TGFB2: variants seen among roughly 807,000 people sequenced by gnomAD.
The protein encoded by TGFB2 is transforming growth factor beta 2, also known as transforming growth factor beta-2 proprotein.
In TGFB2, 13 loss-of-function variants were observed where a neutral mutation model predicts 42.7. That is an observed-to-expected ratio of 0.30 (90% CI 0.20 to 0.48). The LOEUF (loss-of-function observed/expected upper bound fraction) is 0.48, where lower values mean the gene tolerates loss of function less well. Among genes scored for constraint, TGFB2 ranks in the 20% least tolerant of loss-of-function variants. The pLI is 0.99. For missense variants in TGFB2, 390 were observed against 517.5 expected (o/e 0.75, Z 2.39); for synonymous variants, 193 against 193.6 (o/e 1.00, Z 0.03).
intron 2 of TGFB2, among the ~76,000 whole-genome samples, chr1:218,423,522 G>GT (rs1478911063): frequency 6.6e-6 from 1 of 152,106 alleles, no homozygotes; most frequent in Non-Finnish European, 1.5e-5. Context: ...GTTTTGTTTT[G>GT]TTTTTTAGGA....
chr1:218,416,269 C>G (rs1468982831), intron 2 of TGFB2, among the ~76,000 whole-genome samples: 1 of 151,834 alleles, frequency 6.6e-6, no homozygotes, highest in Non-Finnish European at 1.5e-5. Flanking sequence ...TATATGCTTC[C>G]CAATTGATTT....
chr1:218,383,288 G>A (rs1658023710), intron 1 of TGFB2, among the ~76,000 whole-genome samples: 1 of 152,110 alleles, frequency 6.6e-6, no homozygotes, highest in South Asian at 2.1e-4. Context: ...TGAAACCTCT[G>A]TTTTGTCAAT....
chr1:218,346,351 C>T lies in TGFB2; in HGVS notation c.-351C>T, dbSNP rs1199209836. 5.0e-6 allele frequency: 1 copy of T among 199,550 alleles called. No homozygotes were observed. Among genetic ancestry groups the T allele is most frequent in the Non-Finnish European group, 1.0e-5 (1 of 99,966 alleles). The allele number at this position is 199,550 out of a possible 1,614,324, so 12.4% of individuals were successfully genotyped here. ...GCACCCGAGACTGACACACTGAACTCCACTTCCTCCTCTTAAATTTATTTC... is the reference window on the plus strand; with the variant it reads ...GCACCCGAGACTGACACACTGAACTTCACTTCCTCCTCTTAAATTTATTTC... On this transcript the variant is annotated 5_prime_UTR_variant, in exon 1 of 7. Transcript: ENST00000366930. The surrounding 1 kb of genome is among the most constrained non-coding windows in gnomAD (Gnocchi z 4.9).
chr1:218,412,403 A>G (rs1384047408), intron 2 of TGFB2, among the ~76,000 whole-genome samples: 2 of 152,138 alleles, frequency 1.3e-5, no homozygotes, highest in African/African-American at 2.4e-5. Context: ...GAACCCAACA[A>G]TATTTGTTGC....
intron 1 of TGFB2, among the ~76,000 whole-genome samples, chr1:218,376,170 G>A (rs1443470716): frequency 6.6e-6 from 1 of 152,162 alleles, no homozygotes; most frequent in African/African-American, 2.4e-5. Context: ...CTCCCGTTAA[G>A]TGTTCTTACA....
At chr1:218,365,798 G>A (rs1280631326) in intron 1 of TGFB2, among the ~76,000 whole-genome samples, 2 of 152,210 alleles carry the variant, frequency 1.3e-5, no homozygotes, top group Non-Finnish European at 2.9e-5. Context: ...CACTCGTTAA[G>A]TGAAGTTGGC....
intron 1 of TGFB2, among the ~76,000 whole-genome samples, chr1:218,367,853 G>A (rs1657436671): frequency 6.6e-6 from 1 of 152,066 alleles, no homozygotes; most frequent in South Asian, 2.1e-4. Context: ...CACCAGGCTA[G>A]AAGGCAGTGG....
chr1:218,411,908 T>C (rs1157407993), intron 2 of TGFB2, among the ~76,000 whole-genome samples: 2 of 149,644 alleles, frequency 1.3e-5, no homozygotes, highest in Non-Finnish European at 3.0e-5. Context: ...TGACACAGCA[T>C]CACTTTTGCC....
intron 1 of TGFB2, among the ~76,000 whole-genome samples, chr1:218,368,647 T>C (rs137883836): frequency 6.6e-6 from 1 of 152,304 alleles, no homozygotes; most frequent in East Asian, 1.9e-4. Flanking sequence ...ATGTGAGGTG[T>C]AATTTTATAT....
intron 4 of TGFB2, among the ~76,000 whole-genome samples, chr1:218,435,424 A>G (rs1376331496): frequency 6.6e-6 from 1 of 152,208 alleles, no homozygotes; most frequent in African/African-American, 2.4e-5. Context: ...AAATAAATGA[A>G]AAAGCCCTTT....
intron 1 of TGFB2, among the ~76,000 whole-genome samples, chr1:218,378,734 A>G (rs1420391597): frequency 6.6e-6 from 1 of 150,602 alleles, no homozygotes; most frequent in Non-Finnish European, 1.5e-5. Flanking sequence ...AACCTCCTAG[A>G]GCGCTGGGAT....
chr1:218,394,781 A>G (rs184627959), intron 1 of TGFB2, among the ~76,000 whole-genome samples: 1 of 152,322 alleles, frequency 6.6e-6, no homozygotes, highest in East Asian at 1.9e-4. Context: ...GAACGTCAGC[A>G]GTGTTTGGGA....
intron 1 of TGFB2, among the ~76,000 whole-genome samples, chr1:218,356,491 T>A (rs1174177714): frequency 1.3e-5 from 2 of 152,162 alleles, no homozygotes; most frequent in African/African-American, 2.4e-5. Flanking sequence ...AGTGCTGGGA[T>A]CACAGATGTG....
intron 1 of TGFB2, among the ~76,000 whole-genome samples, chr1:218,373,695 G>T (rs767261248): frequency 6.6e-6 from 1 of 152,070 alleles, no homozygotes. Context: ...ACTCCTCCAA[G>T]ATGATTAATT....
intron 1 of TGFB2, among the ~76,000 whole-genome samples, chr1:218,389,073 T>C (rs1045391772): frequency 2.0e-5 from 3 of 152,126 alleles, no homozygotes; most frequent in Non-Finnish European, 4.4e-5. Flanking sequence ...TTACATCGAA[T>C]CATTTGGCCT....
chr1:218,353,366 G>T (rs913407716), intron 1 of TGFB2, among the ~76,000 whole-genome samples: 1 of 152,176 alleles, frequency 6.6e-6, no homozygotes, highest in Non-Finnish European at 1.5e-5. Context: ...ACCATGTCTG[G>T]CACTATCCAG....
chr1:218,402,046 C>T (rs1571872276), intron 1 of TGFB2, among the ~76,000 whole-genome samples: 3 of 152,286 alleles, frequency 2.0e-5, no homozygotes. Flanking sequence ...TGGCATCAAC[C>T]CCTGGAAGGG....
At chr1:218,398,017 G>A (rs903712667) in intron 1 of TGFB2, among the ~76,000 whole-genome samples, 1 of 152,206 alleles carries the variant, frequency 6.6e-6, no homozygotes, top group African/African-American at 2.4e-5. Context: ...GACAATTGTG[G>A]TCAGTGCTGA....
intron 2 of TGFB2, among the ~76,000 whole-genome samples, chr1:218,425,308 C>G (rs777878196): frequency 6.6e-6 from 1 of 152,008 alleles, no homozygotes; most frequent in Non-Finnish European, 1.5e-5. Context: ...CCTGGGTTCA[C>G]GCCATTCTCC....
Sources: allele counts gnomAD v4.1 joint callset (sites outside exome capture counted in the v4.1 genomes callset), GRCh38; gene constraint gnomAD v4.1.1; non-coding constraint Gnocchi (gnomAD v3.1); transcripts MANE v1.5; gene names NCBI Gene and HGNC (gene_info 2026-07-23, HGNC 2026-07-21).